Variants in NBPF9 observed in about 807,000 individuals in gnomAD.
NBPF9 encodes the protein NBPF family member NBPF9.
A neutral mutation model predicts 97.8 loss-of-function variants in NBPF9; 91 were observed. The ratio of observed to expected loss-of-function variants is 0.93; its 90% CI spans 0.79 to 1.11. The LOEUF is 1.11. Ranked by LOEUF, NBPF9 falls within the 50% of genes least tolerant of loss-of-function variation. The pLI is 0.00. For missense variants in NBPF9, 992 were observed against 939.5 expected (o/e 1.06, Z -0.73); for synonymous variants, 334 against 359.5 (o/e 0.93, Z 0.80).
At position 149,073,747 on chromosome 1, in the gene NBPF9, G is replaced by T. The variant is rs1197809315; in HGVS notation, c.1091+21C>A. On this transcript the variant is annotated intron_variant, in intron 13 of 29. Transcript: ENST00000584027. ...GATTTACACACCTGCCCCCCTGCCT[G>T]CCCCCATGGGGTCCCCTCACCTGAG... 189 of 1,572,780 alleles carry T rather than the reference G, an allele frequency of 1.2e-4. 5 individuals are homozygous for T. Among genetic ancestry groups the T allele is most frequent in the Non-Finnish European group, 1.3e-4 (154 of 1,149,750 alleles).
intron 16 of NBPF9, 21 bp downstream of exon 16, chr1:149,070,913 C>A: frequency 6.2e-7 from 1 of 1,611,786 alleles, no homozygotes; most frequent in African/African-American, 1.3e-5. Flanking sequence ...AGGTATGAGA[C>A]ACAAGGAAAA....
intron 12 of NBPF9, among the ~76,000 whole-genome samples, chr1:149,075,078 G>A (rs2079742771): frequency 6.6e-6 from 1 of 151,432 alleles, no homozygotes; most frequent in Admixed American, 6.6e-5. Flanking sequence ...CCAAAGTGCT[G>A]GGATTACAGG....
At chr1:149,103,159 CG>C (rs1553663701) in intron 1 of NBPF9, 141 bp downstream of exon 1, 1 of 150,654 alleles carries the variant, frequency 6.6e-6, no homozygotes, top group Non-Finnish European at 1.5e-5. Flanking sequence ...CCGGCGGGGC[CG>C]GAACACACGC....
intron 3 of NBPF9, among the ~76,000 whole-genome samples, chr1:149,099,173 G>C (rs2081981789): frequency 6.6e-6 from 1 of 152,256 alleles, no homozygotes; most frequent in Non-Finnish European, 1.5e-5. Flanking sequence ...AGGGAATTAA[G>C]AGTGTGTGGG....
chr1:149,101,049 G>C (rs1244105075), intron 3 of NBPF9, among the ~76,000 whole-genome samples: 8 of 151,352 alleles, frequency 5.3e-5, no homozygotes, highest in Admixed American at 4.0e-4. Flanking sequence ...ACAAAAAGCA[G>C]TAACCATAAA....
At chr1:149,079,639 A>G (rs2080232274) in intron 8 of NBPF9, among the ~76,000 whole-genome samples, 1 of 150,530 alleles carries the variant, frequency 6.6e-6, no homozygotes, top group Non-Finnish European at 1.5e-5. Flanking sequence ...AGACGAAAGA[A>G]GAAAAGAATG....
At position 149,075,235 on chromosome 1, in the gene NBPF9, A is replaced by T. The variant is rs587666805; in HGVS notation, c.988+420T>A. On this transcript the variant is annotated intron_variant, in intron 12 of 29. Coordinates refer to ENST00000584027, the Ensembl canonical transcript of NBPF9. ...CCAAGTTTCCCTCAGAGTCACTAGA[A>T]CAGAGCTTTGCCTGTTGGGCCTCAA... is the stretch of plus-strand genomic sequence containing the variant. 1.4e-4 allele frequency among the ~76,000 whole-genome samples: 21 copies of T among 152,062 alleles called. No individual in the cohort carries two copies. In the East Asian group the frequency reaches 2.9e-3, roughly 21 times the overall value.
intron 7 of NBPF9, among the ~76,000 whole-genome samples, 158 bp downstream of exon 7, chr1:149,081,807 T>A (rs1239914865): frequency 1.6e-5 from 2 of 127,782 alleles, no homozygotes; most frequent in East Asian, 4.5e-4. Flanking sequence ...TTGGTACCTC[T>A]GTCTTCCAAC....
chr1:149,055,414 C>A, exon 30 of NBPF9: 2 of 681,962 alleles, frequency 2.9e-6, no homozygotes, highest in Non-Finnish European at 4.8e-6. Context: ...ATTAAAATGT[C>A]TGACTGATCA....
intron 11 of NBPF9, among the ~76,000 whole-genome samples, chr1:149,076,319 G>A (rs161315): frequency 5.3e-5 from 8 of 150,204 alleles, no homozygotes; most frequent in Admixed American, 1.3e-4. Context: ...TCCCTCAGCC[G>A]GCCAAGCATC....
chr1:149,058,571 A>G (rs2078388635), intron 26 of NBPF9: 1 of 246,924 alleles, frequency 4.0e-6, no homozygotes, highest in African/African-American at 6.1e-5. Flanking sequence ...CAGCTCGTTC[A>G]TGGATGCAAG....
chr1:149,099,854 T>A (rs1482251548), intron 3 of NBPF9, among the ~76,000 whole-genome samples: 1 of 151,092 alleles, frequency 6.6e-6, no homozygotes, highest in African/African-American at 2.4e-5. Context: ...TAGTGGTGCA[T>A]GCCTGTAGAC....
At position 149,060,713 on chromosome 1, in the gene NBPF9, A is replaced by T. The variant is rs1462339960; in HGVS notation, c.2304-18T>A. On this transcript the variant is annotated intron_variant, in intron 23 of 29. Transcript: ENST00000584027. ...TGCTGAGCCTGGAAAAGGAGGAAAA[A>T]GTAAAGAATAAGCCAGGGGAAATCA... 33 of 351,558 alleles carry T rather than the reference A, an allele frequency of 9.4e-5. 2 individuals carry two copies. In the East Asian group the frequency reaches 1.1e-3, roughly 12 times the overall value. The allele number at this position is 351,558 out of a possible 1,614,324, so 21.8% of individuals were successfully genotyped here. A position where few individuals can be genotyped will look rare whatever the true frequency, so the allele number is the denominator to read the frequency against.
At chr1:149,072,582 G>C (rs2079502103) in intron 14 of NBPF9, 136 bp downstream of exon 14, 1 of 1,434,186 alleles carries the variant, frequency 7.0e-7, no homozygotes, top group South Asian at 1.2e-5. Context: ...TACCCAAGAA[G>C]TCCTTGTCAT....
intron 5 of NBPF9, among the ~76,000 whole-genome samples, chr1:149,082,946 A>ATT (rs2080620041): frequency 2.5e-5 from 2 of 78,816 alleles, no homozygotes; most frequent in Non-Finnish European, 5.1e-5. Context: ...CGCCTGGCTA[A>ATT]TTTTTCTTTT....
At chr1:149,097,436 C>A (rs9442132) in intron 4 of NBPF9, among the ~76,000 whole-genome samples, 2 of 152,124 alleles carry the variant, frequency 1.3e-5, no homozygotes, top group African/African-American at 2.4e-5. Flanking sequence ...TCTGGTGCCC[C>A]AAAGAAAGAG....
intron 16 of NBPF9, among the ~76,000 whole-genome samples, chr1:149,070,176 C>T (rs2079287192): frequency 6.7e-6 from 1 of 150,320 alleles, no homozygotes; most frequent in African/African-American, 2.5e-5. Context: ...CAAAAATTAG[C>T]CAGATGTGAT....
chr1:149,071,531 C>A, intron 15 of NBPF9, 73 bp downstream of exon 15: 1 of 980,604 alleles, frequency 1.0e-6, no homozygotes, highest in East Asian at 2.8e-5. Context: ...TCATAGATGC[C>A]AGAGAGGGTG....
chr1:149,059,955 G>C lies in NBPF9; in HGVS notation c.2477-147C>G, dbSNP rs1249192583. The C allele has an allele frequency of 1.2e-5, 5 of 423,700 alleles. 2 individuals carry two copies. In the African/African-American group the frequency reaches 1.3e-4, roughly 11 times the overall value. The allele number at this position is 423,700 out of a possible 1,614,324, so 26.2% of individuals were successfully genotyped here. A position where few individuals can be genotyped will look rare whatever the true frequency, so the allele number is the denominator to read the frequency against. On this transcript the variant is annotated intron_variant, in intron 24 of 29. Coordinates refer to ENST00000584027, the Ensembl canonical transcript of NBPF9. ...GAGATATATTTCAGGAGGCCTGAAG[G>C]CTGGTTATGATAGAAATTCCTCAGT...
Sources: allele counts gnomAD v4.1 joint callset (sites outside exome capture counted in the v4.1 genomes callset), GRCh38; gene constraint gnomAD v4.1.1; transcripts MANE v1.5; gene names NCBI Gene and HGNC (gene_info 2026-07-23, HGNC 2026-07-21).